The following NEMF variants were observed in gnomAD, a reference collection of about 807,000 sequenced individuals.
The protein encoded by NEMF is nuclear export mediator factor.
A neutral mutation model predicts 162.2 loss-of-function variants in NEMF; 89 were observed. The observed-to-expected ratio is 0.55, with a 90% confidence interval of 0.46 to 0.65. The LOEUF (loss-of-function observed/expected upper bound fraction) is 0.65. NEMF is among the 30% of genes least tolerant of loss of function. The pLI is 0.00. For missense variants in NEMF, 1,133 were observed against 1,261.9 expected (o/e 0.90, Z 1.55); for synonymous variants, 421 against 404.5 (o/e 1.04, Z -0.49).
chr14:49,822,230 G>A (rs1231244631), intron 16 of NEMF, among the ~76,000 whole-genome samples: 2 of 150,752 alleles, frequency 1.3e-5, no homozygotes, highest in South Asian at 2.1e-4. Context: ...TCCCTCCGCT[G>A]TTGTCCTATG....
chr14:49,845,245 A>G (rs1893442005), intron 4 of NEMF, among the ~76,000 whole-genome samples: 1 of 152,036 alleles, frequency 6.6e-6, no homozygotes, highest in African/African-American at 2.4e-5. Context: ...GGTGCCCGCC[A>G]CCACGCCCAG....
chr14:49,824,301 T>C (rs1161615759), intron 16 of NEMF, among the ~76,000 whole-genome samples: 1 of 152,040 alleles, frequency 6.6e-6, no homozygotes, highest in Non-Finnish European at 1.5e-5. Flanking sequence ...TCCCAACACT[T>C]TGGGAGGCTG....
intron 26 of NEMF, among the ~76,000 whole-genome samples, chr14:49,792,746 C>T (rs1432669647): frequency 6.6e-6 from 1 of 152,100 alleles, no homozygotes; most frequent in Non-Finnish European, 1.5e-5. Context: ...TTTTGGATAA[C>T]AAGCAGGAGG....
chr14:49,802,366 CAA>C, intron 22 of NEMF, 85 bp downstream of exon 22: 1 of 1,422,210 alleles, frequency 7.0e-7, no homozygotes, highest in African/African-American at 1.4e-5. Context: ...TAGATTATCC[CAA>C]AGAGACATGA....
intron 6 of NEMF, 84 bp from the exon 7 acceptor site, chr14:49,834,533 C>T (rs1014516069): frequency 6.7e-5 from 64 of 960,716 alleles, no homozygotes; most frequent in Admixed American, 4.2e-4. Context: ...TTTTACCCGT[C>T]GCCCAGGCCG....
At chr14:49,800,287 C>G in intron 23 of NEMF, 133 bp downstream of exon 23, 1 of 777,980 alleles carries the variant, frequency 1.3e-6, no homozygotes, top group Non-Finnish European at 2.0e-6. Flanking sequence ...GAGACCCAAT[C>G]AAATGTTGAA....
At position 49,784,680 on chromosome 14, in the gene NEMF, CT is replaced by C. The variant is rs1890074901; in HGVS notation, c.3186del (p.Val1063Ter). The C allele has an allele frequency of 1.2e-6, 2 of 1,612,884 alleles. No individual in the cohort carries two copies. Among genetic ancestry groups the C allele is most frequent in the Non-Finnish European group, 8.5e-7 (1 of 1,179,262 alleles). On this transcript the variant is annotated frameshift_variant, in exon 33 of 33. Coordinates refer to ENST00000298310, the MANE Select transcript of NEMF (RefSeq NM_004713.6). LOFTEE classifies it high-confidence loss of function. ...DTDLSRNIPGKVKVSAPNLLN... is the reference protein window; with the variant it reads ...DTDLSRNIPGXVKVSAPNLLN... ...AGAAGATTGGGTGCAGACACTTTCA[CT>C]TTGCCAGGAATGTTTCTTGATAAAT...
chr14:49,834,268 T>C (rs925915821), intron 7 of NEMF, 95 bp downstream of exon 7: 2 of 795,696 alleles, frequency 2.5e-6, no homozygotes, highest in Non-Finnish European at 4.2e-6. Flanking sequence ...ATGTTTTTCA[T>C]TCTAGAACCA....
In NEMF at chr14:49,844,318, C is replaced by T. The variant is rs148827094; in HGVS notation, c.357+1822G>A. Among the ~76,000 whole-genome samples, 89 of 152,198 alleles carry T rather than the reference C, an allele frequency of 5.8e-4. 2 individuals are homozygous for T. The East Asian group carries it at 0.012, about 20-fold the overall frequency. On this transcript the variant is annotated intron_variant, in intron 4 of 32. Transcript: ENST00000298310. ...CACAGTTCACAATAGGGTTCACGCT[C>T]CTATAAGAATCTAATGCCACCACTG...
chr14:49,785,021 G>C lies in NEMF; in HGVS notation c.3074-17C>G. 7 of 1,611,110 alleles carry C rather than the reference G, an allele frequency of 4.3e-6. No homozygotes were observed. The highest frequency in any genetic ancestry group is 5.9e-6 in the Non-Finnish European group (7 of 1,177,508). ...TTTTTGCAGCTGTAAATACAAAAAA[G>C]AGTAAGAATAATCTACTGTTAAGTC... On this transcript the variant is annotated splice_polypyrimidine_tract_variant and intron_variant, in intron 31 of 32. Coordinates refer to ENST00000298310, the MANE Select transcript of NEMF (RefSeq NM_004713.6).
In NEMF at chr14:49,829,394, A is replaced by C; in HGVS notation, c.978T>G (p.Val326=). The C allele has an allele frequency of 6.2e-7, 1 of 1,614,064 alleles. No homozygotes were observed. Among genetic ancestry groups the C allele is most frequent in the Non-Finnish European group, 8.5e-7 (1 of 1,180,008 alleles). ...EKQALKKLDN[V]RKDHENRLEA... ...CCAATCTGTTTTCGTGATCCTTTCG[A>C]ACATTATCTAATTTCTTCAATGCTT... Residue 326 remains valine (V), a synonymous_variant, in exon 12 of 33, where the codon GTT becomes GTG. Coordinates refer to ENST00000298310, the MANE Select transcript of NEMF (RefSeq NM_004713.6).
In NEMF at chr14:49,802,478, G is replaced by A; in HGVS notation, c.2070C>T (p.Leu690=). 6.2e-7 allele frequency: 1 copy of A among 1,613,716 alleles called. No homozygotes were observed. The highest frequency in any genetic ancestry group is 8.5e-7 in the Non-Finnish European group (1 of 1,179,820). The change falls in exon 22 of 33, where the codon CTC becomes CTT. Residue 690 remains leucine (L), a synonymous_variant. Coordinates refer to ENST00000298310, the MANE Select transcript of NEMF (RefSeq NM_004713.6). ...CTAATTGTTCCATTTCTTCTGATATGAGTTCACTTGTACAACTTGCCAGTG... is the reference window on the plus strand; with the variant it reads ...CTAATTGTTCCATTTCTTCTGATATAAGTTCACTTGTACAACTTGCCAGTG... ...METLASCTSE[L]ISEEMEQLDG... is the part of the protein sequence containing the mutation.
In NEMF at chr14:49,829,570, C is replaced by T. The variant is rs371310891; in HGVS notation, c.946-144G>A. The T allele has an allele frequency of 5.2e-5, 35 of 670,472 alleles. No individual in the cohort carries two copies. In the African/African-American group the frequency reaches 5.4e-4, roughly 10 times the overall value. 41.5% of individuals were successfully genotyped at this position (670,472 alleles called of 1,614,324 possible). A position where few individuals can be genotyped will look rare whatever the true frequency, so the allele number is the denominator to read the frequency against. On this transcript the variant is annotated intron_variant, in intron 11 of 32. Transcript: ENST00000298310. Reference sequence around the variant, plus strand: ...AGTTCCCATAGTCTACCACCCTAGGCCTATCCCACTACAATGCGTTCCATG... The same window carrying T: ...AGTTCCCATAGTCTACCACCCTAGGTCTATCCCACTACAATGCGTTCCATG...
At chr14:49,836,028 A>G (rs1031719439) in intron 6 of NEMF, among the ~76,000 whole-genome samples, 6 of 152,226 alleles carry the variant, frequency 3.9e-5, no homozygotes, top group African/African-American at 1.4e-4. Flanking sequence ...ACTGATCCAC[A>G]GACTTAATGT....
chr14:49,838,800 G>A (rs1394280612), intron 5 of NEMF, among the ~76,000 whole-genome samples: 1 of 152,036 alleles, frequency 6.6e-6, no homozygotes, highest in East Asian at 1.9e-4. Context: ...TAGCCAGGAT[G>A]GTCTCAATCT....
chr14:49,844,735 GCGCA>G (rs1173139727), intron 4 of NEMF: 7 of 158,344 alleles, frequency 4.4e-5, no homozygotes, highest in Admixed American at 1.9e-4. Context: ...GCGCACGCGC[GCGCA>G]CACACACACA....
At chr14:49,796,970 T>C (rs1890720206) in intron 25 of NEMF, among the ~76,000 whole-genome samples, 1 of 152,198 alleles carries the variant, frequency 6.6e-6, no homozygotes, top group African/African-American at 2.4e-5. Context: ...TCTGATGTTA[T>C]TTCCCCAAAC....
At chr14:49,803,374 G>T in intron 19 of NEMF, 80 bp from the exon 20 acceptor site, 1 of 989,084 alleles carries the variant, frequency 1.0e-6, no homozygotes. Flanking sequence ...AGAAAGTAAA[G>T]TCAGAGTCAA....
chr14:49,821,310 TG>T lies in NEMF; in HGVS notation c.1577+4556del, dbSNP rs1310171606. On this transcript the variant is annotated intron_variant, in intron 16 of 32. Coordinates refer to ENST00000298310, the MANE Select transcript of NEMF (RefSeq NM_004713.6). The stretch of plus-strand genomic sequence containing the variant: ...CCAGCCGCCCCGTCCGGGAGGGAGG[TG>T]GGGGGGGTCAGCCCCCCGCCCGGCC... Among the ~76,000 whole-genome samples, 4 of 2,456 alleles carry T rather than the reference TG, an allele frequency of 1.6e-3. 1 individual carries two copies. The Admixed American group carries it at 0.025, about 16-fold the overall frequency. 1.6% of individuals were successfully genotyped at this position (2,456 alleles called of 152,430 possible). A position where few individuals can be genotyped will look rare whatever the true frequency, so the allele number is the denominator to read the frequency against.
Sources: allele counts gnomAD v4.1 joint callset (sites outside exome capture counted in the v4.1 genomes callset), GRCh38; gene constraint gnomAD v4.1.1; transcripts MANE v1.5; gene names NCBI Gene and HGNC (gene_info 2026-07-23, HGNC 2026-07-21).